The following PXDNL variants were observed in gnomAD, a reference collection of about 807,000 sequenced individuals.
PXDNL encodes the protein peroxidasin like, also known as probable oxidoreductase PXDNL.
PXDNL carries 145 observed loss-of-function variants against 150.8 expected under a neutral mutation model. That is an observed-to-expected ratio of 0.96 (90% CI 0.84 to 1.10). PXDNL has a LOEUF of 1.10. Ranked by LOEUF, PXDNL falls within the 50% of genes least tolerant of loss-of-function variation. PXDNL has a pLI of 0.00. For synonymous variants in PXDNL, 757 were observed against 725.7 expected (o/e 1.04, Z -0.69); for missense variants, 2,087 against 1,873.9 (o/e 1.11, Z -2.10).
chr8:51,618,195 C>T (rs1814170557), intron 2 of PXDNL, among the ~76,000 whole-genome samples: 1 of 152,156 alleles, frequency 6.6e-6, no homozygotes, highest in South Asian at 2.1e-4. Flanking sequence ...AAGACACTGG[C>T]GATTACCAGA....
At chr8:51,358,512 A>G (rs556274865) in intron 19 of PXDNL, among the ~76,000 whole-genome samples, 1 of 152,324 alleles carries the variant, frequency 6.6e-6, no homozygotes, top group East Asian at 1.9e-4. Context: ...GTGACCTTGA[A>G]AAACCAAATA....
At position 51,339,628 on chromosome 8, in the gene PXDNL, T is replaced by C; in HGVS notation, c.4142A>G (p.Glu1381Gly). The change falls in exon 21 of 23, where the codon GAG (glutamate) becomes GGG (glycine). Residue 1381 changes from glutamate to glycine, a missense_variant. Glu to Gly is a moderately conservative substitution (Grantham distance 98, BLOSUM62 -2). Coordinates refer to ENST00000356297, the MANE Select transcript of PXDNL (RefSeq NM_144651.5). Reference sequence around the variant, plus strand: ...TTATTTGAAGAGAAAACAAACCTGCTCTCTGAGTGCTGTGATGGTTTCCTG... The same window carrying C: ...TTATTTGAAGAGAAAACAAACCTGCCCTCTGAGTGCTGTGATGGTTTCCTG... ...EIQETITALR[E>G]QINKLEARLR... is the part of the protein sequence containing the mutation. The C allele has an allele frequency of 6.2e-7, 1 of 1,612,352 alleles. No individual in the cohort carries two copies. Among genetic ancestry groups the C allele is most frequent in the East Asian group, 2.2e-5 (1 of 44,864 alleles).
chr8:51,628,625 G>A lies in PXDNL; in HGVS notation c.236+26064C>T, dbSNP rs143302422. On this transcript the variant is annotated intron_variant, in intron 2 of 22. Coordinates refer to ENST00000356297, the MANE Select transcript of PXDNL (RefSeq NM_144651.5). ...TTCACCATGTAGGCAGGAGGATCTC[G>A]ATCTCCTGACCTTGTGATCCACCCA... 2.9e-3 allele frequency among the ~76,000 whole-genome samples: 440 copies of A among 151,352 alleles called. 1 individual carries two copies. Among genetic ancestry groups the A allele is most frequent in the Non-Finnish European group, 5.2e-3 (352 of 67,806 alleles).
At chr8:51,507,467 T>C (rs1386296565) in intron 4 of PXDNL, among the ~76,000 whole-genome samples, 2 of 152,204 alleles carry the variant, frequency 1.3e-5, no homozygotes, top group Non-Finnish European at 2.9e-5. Context: ...AAGATGGACT[T>C]GGGCAGGAAC....
intron 2 of PXDNL, 60 bp downstream of exon 2, chr8:51,654,629 A>T: frequency 7.8e-7 from 1 of 1,285,782 alleles, no homozygotes; most frequent in South Asian, 1.2e-5. Flanking sequence ...TTTCACGGTA[A>T]ATTGCCATCC....
At chr8:51,670,073 C>T (rs1312154493) in intron 1 of PXDNL, among the ~76,000 whole-genome samples, 1 of 152,122 alleles carries the variant, frequency 6.6e-6, no homozygotes, top group Non-Finnish European at 1.5e-5. Context: ...CCCATCTCTA[C>T]TAAAAATACA....
At chr8:51,696,859 G>T (rs1816158283) in intron 1 of PXDNL, among the ~76,000 whole-genome samples, 1 of 96,090 alleles carries the variant, frequency 1.0e-5, no homozygotes, top group African/African-American at 4.2e-5. Context: ...ACACACACAG[G>T]TCCACACACA....
At position 51,608,144 on chromosome 8, in the gene PXDNL, C is replaced by T. The variant is rs1277731544; in HGVS notation, c.237-15446G>A. Among the ~76,000 whole-genome samples, 5 of 148,114 alleles carry T rather than the reference C, an allele frequency of 3.4e-5. 1 individual carries two copies. The highest frequency in any genetic ancestry group is 1.3e-4 in the African/African-American group (5 of 38,644). The stretch of plus-strand genomic sequence containing the variant: ...GTCGCTCACGCCTGTAATCCCAGCA[C>T]TTTGGGAGGCCGAGGTGGGCAGATC... On this transcript the variant is annotated intron_variant, in intron 2 of 22. Coordinates refer to ENST00000356297, the MANE Select transcript of PXDNL (RefSeq NM_144651.5).
chr8:51,680,988 TTGTGGTTTTCGTCCAGACACA>T (rs1815737473), intron 1 of PXDNL, among the ~76,000 whole-genome samples: 1 of 20,168 alleles, frequency 5.0e-5, no homozygotes, highest in Non-Finnish European at 8.4e-5. Context: ...GTGGGACATG[TTGTGGTTTTCGTCCAGACACA>T]TGTGGTTTTT....
Position 51,408,627 on chromosome 8 carries a change from C to A in PXDNL, c.2997G>T (p.Gln999His), listed in dbSNP as rs779229277. The change falls in exon 17 of 23, where the codon CAG (glutamine) becomes CAT (histidine). Residue 999 changes from glutamine to histidine, a missense_variant. Gln to His is a conservative substitution (Grantham distance 24). Transcript: ENST00000356297. ...CCGCGCCCACGATCTTCCTGGCTTCCTGGTAAACCGTGTTTCCCTCCCAGT... is the reference window on the plus strand; with the variant it reads ...CCGCGCCCACGATCTTCCTGGCTTCATGGTAAACCGTGTTTCCCTCCCAGT... ...NPHWEGNTVYQEARKIVGAEL... is the reference protein window; with the variant it reads ...NPHWEGNTVYHEARKIVGAEL... 1 of 1,609,494 alleles carries A rather than the reference C, an allele frequency of 6.2e-7. No individual in the cohort carries two copies. The highest frequency in any genetic ancestry group is 1.1e-5 in the South Asian group (1 of 90,202).
intron 17 of PXDNL, among the ~76,000 whole-genome samples, chr8:51,404,444 C>A (rs1211502622): frequency 6.7e-6 from 1 of 149,986 alleles, no homozygotes; most frequent in Non-Finnish European, 1.5e-5. Flanking sequence ...AAAAGTTCTC[C>A]AAGTCCCCAC....
In PXDNL at chr8:51,499,698, C is replaced by G; in HGVS notation, c.452+1G>C. On this transcript the variant is annotated splice_donor_variant, in intron 5 of 22. Coordinates refer to ENST00000356297, the MANE Select transcript of PXDNL (RefSeq NM_144651.5). LOFTEE classifies it high-confidence loss of function. Reference sequence around the variant, plus strand: ...AGGACATCTAAAGGGTCAACACTTACAGTCGCTCTAATCTCAGAAGGTCTC... The same window carrying G: ...AGGACATCTAAAGGGTCAACACTTAGAGTCGCTCTAATCTCAGAAGGTCTC... 1 of 1,607,894 alleles carries G rather than the reference C, an allele frequency of 6.2e-7. No individual in the cohort carries two copies. The highest frequency in any genetic ancestry group is 8.5e-7 in the Non-Finnish European group (1 of 1,174,384).
chr8:51,321,164 G>T, intron 21 of PXDNL: 1 of 315,554 alleles, frequency 3.2e-6, no homozygotes, highest in Non-Finnish European at 5.7e-6. Context: ...CTAAAGGAAG[G>T]GGAATTAAAA....
At chr8:51,446,790 CATA>C (rs1360230313) in intron 12 of PXDNL, among the ~76,000 whole-genome samples, 5 of 151,896 alleles carry the variant, frequency 3.3e-5, no homozygotes. Flanking sequence ...TTAAGGAAAA[CATA>C]ATCATAATTA....
chr8:51,339,250 A>G (rs1805919088), intron 21 of PXDNL, among the ~76,000 whole-genome samples: 1 of 152,212 alleles, frequency 6.6e-6, no homozygotes, highest in Non-Finnish European at 1.5e-5. Flanking sequence ...ACTTGAGTCC[A>G]GGAGTTCAAG....
At chr8:51,657,270 G>T (rs1039668852) in intron 1 of PXDNL, among the ~76,000 whole-genome samples, 1 of 152,100 alleles carries the variant, frequency 6.6e-6, no homozygotes, top group Non-Finnish European at 1.5e-5. Context: ...TTGCACCATT[G>T]TAAGTCAACA....
intron 6 of PXDNL, among the ~76,000 whole-genome samples, chr8:51,478,660 G>A (rs531443418): frequency 1.9e-4 from 29 of 152,296 alleles, no homozygotes; most frequent in African/African-American, 2.4e-4. Flanking sequence ...CAGAATTCCC[G>A]CTGGTTTCTC....
chr8:51,409,528 G>C lies in PXDNL; in HGVS notation c.2096C>G (p.Ser699Cys), dbSNP rs1490805673. ...FRYNDLVSPR[S>C]LSLIANLSGC... The stretch of plus-strand genomic sequence containing the variant: ...AGATAAATTGGCGATGAGGCTGAGG[G>C]AGCGCGGGGACACCAAGTCATTGTA... The change falls in exon 17 of 23, where the codon TCC (serine) becomes TGC (cysteine). Residue 699 changes from serine (S) to cysteine (C), a missense_variant. By Grantham distance (112) the Ser-to-Cys change is moderately radical. Transcript: ENST00000356297. 8 of 1,602,904 alleles carry C rather than the reference G, an allele frequency of 5.0e-6. No individual in the cohort carries two copies. The East Asian group carries it at 6.8e-5, about 14-fold the overall frequency.
chr8:51,444,036 T>C (rs980163382), intron 12 of PXDNL, among the ~76,000 whole-genome samples: 1 of 152,224 alleles, frequency 6.6e-6, no homozygotes, highest in Admixed American at 6.5e-5. Context: ...TCTTTTGACA[T>C]TTCCTTTATC....
Sources: gnomAD v4.1 joint callset for allele counts (sites outside exome capture counted in the v4.1 genomes callset) on GRCh38, gnomAD v4.1.1 for gene constraint, MANE v1.5 for transcripts, NCBI Gene and HGNC (gene_info 2026-07-23, HGNC 2026-07-21) for gene names.